PHACTR1: variants seen among roughly 807,000 people sequenced by gnomAD.
The protein encoded by PHACTR1 is phosphatase and actin regulator 1, also known as RPEL repeat containing 1.
Under a neutral mutation model 69.2 loss-of-function variants are expected in PHACTR1, and 16 were observed. That is an observed-to-expected ratio of 0.23 (90% CI 0.16 to 0.35). The LOEUF (loss-of-function observed/expected upper bound fraction) is 0.35. PHACTR1 is among the 10% of genes least tolerant of loss of function. The pLI, the probability that PHACTR1 is intolerant of heterozygous loss-of-function variation, is 1.00. For missense variants in PHACTR1, 510 were observed against 734.7 expected (o/e 0.69, Z 3.54); for synonymous variants, 312 against 284.5 (o/e 1.10, Z -0.97).
intron 5 of PHACTR1, among the ~76,000 whole-genome samples, chr6:13,156,414 A>G (rs1758177868): frequency 6.6e-6 from 1 of 152,136 alleles, no homozygotes. Context: ...TGATTTCTAC[A>G]TTTACTTTTA....
intron 4 of PHACTR1, among the ~76,000 whole-genome samples, chr6:12,977,003 T>C (rs530841374): frequency 1.3e-5 from 2 of 152,332 alleles, no homozygotes; most frequent in East Asian, 3.9e-4. Context: ...TCTCGCTCTG[T>C]TGCTCAGGCT....
At chr6:12,837,980 CCATTTCCAAGCT>C (rs1320385922) in intron 4 of PHACTR1, among the ~76,000 whole-genome samples, 1 of 152,174 alleles carries the variant, frequency 6.6e-6, no homozygotes, top group African/African-American at 2.4e-5. Context: ...GGGGAAGGAG[CCATTTCCAAGCT>C]CATGTCATTG....
chr6:13,261,022 A>G (rs1183084243), intron 10 of PHACTR1, among the ~76,000 whole-genome samples: 1 of 152,216 alleles, frequency 6.6e-6, no homozygotes, highest in African/African-American at 2.4e-5. Context: ...ACCGGATGCC[A>G]ACAGCACCCT....
At chr6:12,846,065 A>AAAACAAAC (rs36100593) in intron 4 of PHACTR1, among the ~76,000 whole-genome samples, 15 of 151,676 alleles carry the variant, frequency 9.9e-5, no homozygotes, top group East Asian at 1.9e-4. Flanking sequence ...CATTTCTTTA[A>AAAACAAAC]AAACAAACAA....
intron 4 of PHACTR1, among the ~76,000 whole-genome samples, chr6:12,866,145 C>G (rs142633978): frequency 8.5e-5 from 13 of 152,236 alleles, no homozygotes; most frequent in African/African-American, 3.1e-4. Flanking sequence ...TGGGGAAGAA[C>G]CATAATGATA....
At chr6:13,041,367 C>CAT (rs1338930991) in intron 4 of PHACTR1, among the ~76,000 whole-genome samples, 1 of 151,558 alleles carries the variant, frequency 6.6e-6, no homozygotes, top group Non-Finnish European at 1.5e-5. Context: ...CACACACACA[C>CAT]ACACACACAC....
intron 5 of PHACTR1, among the ~76,000 whole-genome samples, chr6:13,129,224 G>A (rs573493899): frequency 1.6e-4 from 24 of 151,988 alleles, no homozygotes; most frequent in African/African-American, 5.5e-4. Context: ...ATCTCATAGG[G>A]CCTATAAAAC....
At position 12,749,764 on chromosome 6, in the gene PHACTR1, C is replaced by T. The variant is rs1766335012; in HGVS notation, c.224C>T (p.Ala75Val). Residue 75 changes from alanine (A) to valine (V), a missense_variant, in exon 4 of 15, where the codon GCC becomes GTC. This residue lies in a region of PHACTR1 where 419 missense variants were observed against 530.9 expected (regional missense o/e 0.79). Coordinates refer to ENST00000332995, the MANE Select transcript of PHACTR1 (RefSeq NM_030948.6). ...AGCGACACGCCGTACCTCGCAGAGG[C>T]CAGGATCTCCTTTAACCTGGGGGCA... Reference protein sequence around the residue: ...SKSDTPYLAEARISFNLGAAE... With the variant: ...SKSDTPYLAEVRISFNLGAAE... The T allele has an allele frequency of 6.2e-7, 1 of 1,610,776 alleles. No homozygotes were observed. Among genetic ancestry groups the T allele is most frequent in the South Asian group, 1.1e-5 (1 of 91,050 alleles).
Position 13,194,015 on chromosome 6 carries a change from T to C in PHACTR1, c.664+11329T>C, listed in dbSNP as rs147887325. Among the ~76,000 whole-genome samples, 1,038 of 152,240 alleles carry C rather than the reference T, an allele frequency of 6.8e-3. 10 individuals are homozygous for C. The highest frequency in any genetic ancestry group is 0.011 in the Non-Finnish European group (754 of 68,008). ...ATAAACAATATGATGTGTTTTTATA[T>C]AGGTGATTTATAATTTCTCACAAAA... On this transcript the variant is annotated intron_variant, in intron 7 of 14. Transcript: ENST00000332995.
intron 4 of PHACTR1, among the ~76,000 whole-genome samples, chr6:12,767,447 G>A (rs1226139990): frequency 6.6e-6 from 1 of 152,170 alleles, no homozygotes; most frequent in Non-Finnish European, 1.5e-5. Context: ...GGAGAAAAAG[G>A]TTTCCTTCAT....
At chr6:12,886,169 T>C (rs1414009970) in intron 4 of PHACTR1, among the ~76,000 whole-genome samples, 1 of 152,074 alleles carries the variant, frequency 6.6e-6, no homozygotes, top group African/African-American at 2.4e-5. Flanking sequence ...TCTACCTTTA[T>C]CTCAATATAT....
intron 5 of PHACTR1, among the ~76,000 whole-genome samples, chr6:13,116,924 G>C (rs1467788450): frequency 6.6e-6 from 1 of 152,186 alleles, no homozygotes; most frequent in Non-Finnish European, 1.5e-5. Context: ...AGGTGGTAAG[G>C]CTTGATATGT....
intron 4 of PHACTR1, among the ~76,000 whole-genome samples, chr6:12,766,948 T>C (rs1229842654): frequency 3.9e-5 from 6 of 152,216 alleles, no homozygotes; most frequent in Admixed American, 3.9e-4. Context: ...AGCATGTCTA[T>C]TGAAAATAGG....
At chr6:12,830,964 T>C (rs1468211219) in intron 4 of PHACTR1, among the ~76,000 whole-genome samples, 1 of 152,148 alleles carries the variant, frequency 6.6e-6, no homozygotes, top group Non-Finnish European at 1.5e-5. Flanking sequence ...TTTTGTTACA[T>C]GGATATATTG....
chr6:13,133,330 C>T (rs1466169720), intron 5 of PHACTR1, among the ~76,000 whole-genome samples: 1 of 150,398 alleles, frequency 6.6e-6, no homozygotes, highest in Admixed American at 6.6e-5. Context: ...TCCACGGTCT[C>T]CCTCTGATGC....
intron 4 of PHACTR1, among the ~76,000 whole-genome samples, chr6:13,052,986 G>T (rs1276898776): frequency 2.0e-5 from 3 of 152,178 alleles, no homozygotes; most frequent in Non-Finnish European, 4.4e-5. Context: ...TGTAGTGATT[G>T]CGTCTGCCAA....
intron 6 of PHACTR1, among the ~76,000 whole-genome samples, chr6:13,168,848 T>C (rs1760199622): frequency 6.6e-6 from 1 of 151,422 alleles, no homozygotes; most frequent in African/African-American, 2.4e-5. Flanking sequence ...AAAGGGGGAG[T>C]CAGGACAGAT....
chr6:12,966,875 G>A (rs568487125), intron 4 of PHACTR1, among the ~76,000 whole-genome samples: 168 of 152,260 alleles, frequency 1.1e-3, no homozygotes, highest in African/African-American at 3.6e-3. Flanking sequence ...TTACAGATGT[G>A]CTCGTGAACA....
chr6:13,038,071 A>AGG (rs1383516576), intron 4 of PHACTR1, among the ~76,000 whole-genome samples: 2 of 152,240 alleles, frequency 1.3e-5, no homozygotes, highest in African/African-American at 4.8e-5. Context: ...TGTTATTTGG[A>AGG]GATGCAGAGT....
Sources: gnomAD v4.1 joint callset for allele counts (sites outside exome capture counted in the v4.1 genomes callset) on GRCh38, gnomAD v4.1.1 for gene constraint, gnomAD v4.1.1 regional missense constraint, MANE v1.5 for transcripts, NCBI Gene and HGNC (gene_info 2026-07-23, HGNC 2026-07-21) for gene names.